Variants in ATP6V0A4 observed in about 807,000 individuals in gnomAD.
ATP6V0A4 encodes V-type proton ATPase 116 kDa subunit a 4.
In ATP6V0A4, 86 loss-of-function variants were observed where a neutral mutation model predicts 107.3. The observed-to-expected ratio is 0.80, with a 90% CI of 0.67 to 0.96. The LOEUF (loss-of-function observed/expected upper bound fraction) is 0.96, where lower values mean the gene tolerates loss of function less well. ATP6V0A4 is among the 40% of genes least tolerant of loss of function. ATP6V0A4 has a pLI of 0.00. For synonymous variants in ATP6V0A4, 353 were observed against 381.4 expected, an observed-to-expected ratio of 0.93 and a Z score of 0.87; for missense variants, 908 against 1,045.6, an observed-to-expected ratio of 0.87 and a Z score of 1.81.
At chr7:138,743,458 A>AC (rs1423807644) in intron 14 of ATP6V0A4, among the ~76,000 whole-genome samples, 1 of 26,476 alleles carries the variant, frequency 3.8e-5, no homozygotes, top group East Asian at 0.025. Context: ...ACTCCATCTC[A>AC]AAAAAAAAAA....
intron 2 of ATP6V0A4, among the ~76,000 whole-genome samples, chr7:138,781,831 GTC>G (rs372041818): frequency 0.028 from 2,782 of 98,032 alleles, 78 homozygotes; most frequent in African/African-American, 0.089. Flanking sequence ...ATTTTTCTCT[GTC>G]TCTCTCTCTC....
At chr7:138,742,110 A>C (rs185815148) in intron 14 of ATP6V0A4, among the ~76,000 whole-genome samples, 30 of 152,272 alleles carry the variant, frequency 2.0e-4, no homozygotes, top group African/African-American at 5.5e-4. Context: ...GGCTGGCGAA[A>C]TTATGCAGAT....
At chr7:138,711,807 T>C (rs1486837122) in intron 20 of ATP6V0A4, among the ~76,000 whole-genome samples, 1 of 152,232 alleles carries the variant, frequency 6.6e-6, no homozygotes, top group Non-Finnish European at 1.5e-5. Flanking sequence ...TGCACACGAA[T>C]ACTCAGATGC....
Position 138,706,491 on chromosome 7 carries a change from A to T in ATP6V0A4, c.*133T>A. 8.9e-7 allele frequency: 1 copy of T among 1,119,512 alleles called. No individual in the cohort carries two copies. Among genetic ancestry groups the T allele is most frequent in the East Asian group, 2.6e-5 (1 of 38,390 alleles). The allele number at this position is 1,119,512 out of a possible 1,614,324, so 69.3% of individuals were successfully genotyped here. Reference sequence around the variant, plus strand: ...CAAATCCACAGGCTGACGTCCAAATAATACACAGTTTCATGCTTCAGGTGA... The same window carrying T: ...CAAATCCACAGGCTGACGTCCAAATTATACACAGTTTCATGCTTCAGGTGA... On this transcript the variant is annotated 3_prime_UTR_variant, in exon 22 of 22. Transcript: ENST00000310018.
In ATP6V0A4 at chr7:138,755,719, G is replaced by T; in HGVS notation, c.786C>A (p.Ser262Arg). ...TTAAATCTTCCAGCCTCACATTGAC[G>T]CTCTCCAACATCTCTCTGCGCTCCA... Reference protein sequence around the residue: ...PAVERREMLESVNVRLEDLIT... With the variant: ...PAVERREMLERVNVRLEDLIT... The change falls in exon 10 of 22, where the codon AGC becomes AGA. Residue 262 changes from serine (S) to arginine (R), a missense_variant. Coordinates refer to ENST00000310018, the MANE Select transcript of ATP6V0A4 (RefSeq NM_020632.3). 1.9e-6 allele frequency: 3 copies of T among 1,613,832 alleles called. No homozygotes were observed. Among genetic ancestry groups the T allele is most frequent in the Non-Finnish European group, 2.5e-6 (3 of 1,180,028 alleles).
intron 15 of ATP6V0A4, among the ~76,000 whole-genome samples, chr7:138,738,405 T>C (rs1805455574): frequency 1.3e-5 from 2 of 152,108 alleles, no homozygotes; most frequent in African/African-American, 2.4e-5. Context: ...GACGAGACCA[T>C]TGGAGCAATG....
At chr7:138,742,052 G>A (rs6977317) in intron 14 of ATP6V0A4, among the ~76,000 whole-genome samples, 82,225 of 152,048 alleles carry the variant, frequency 0.54, 23,173 homozygotes, top group East Asian at 0.92. Flanking sequence ...CAGTTAATTC[G>A]GGCCTTTCAC....
chr7:138,749,230 T>G lies in ATP6V0A4; in HGVS notation c.1117A>C (p.Thr373Pro). ...TCAACAATATTCTGGAAGCCAGCTG[T>G]GAATTTATTGGTCCTGTTAAATGTG... is the stretch of plus-strand genomic sequence containing the variant. The part of the protein sequence containing the change: ...PPTFNRTNKF[T>P]AGFQNIVDAY... Residue 373 changes from threonine to proline, a missense_variant, in exon 12 of 22, where the codon ACA (threonine) becomes CCA (proline). By Grantham distance (38) the Thr-to-Pro change is conservative. Transcript: ENST00000310018. The G allele has an allele frequency of 1.2e-6, 2 of 1,613,880 alleles. No individual in the cohort carries two copies. The highest frequency in any genetic ancestry group is 1.7e-6 in the Non-Finnish European group (2 of 1,179,994).
intron 2 of ATP6V0A4, among the ~76,000 whole-genome samples, chr7:138,780,864 C>T (rs976017267): frequency 6.6e-6 from 1 of 151,812 alleles, no homozygotes; most frequent in Non-Finnish European, 1.5e-5. Flanking sequence ...GAGATCATGC[C>T]TCTGCACTCC....
At chr7:138,778,772 T>C (rs1584947074) in intron 2 of ATP6V0A4, among the ~76,000 whole-genome samples, 1 of 141,894 alleles carries the variant, frequency 7.0e-6, no homozygotes, top group Non-Finnish European at 1.5e-5. Flanking sequence ...GAGTGGGGAG[T>C]CTGAATTCAG....
Position 138,733,236 on chromosome 7 carries a change from C to A in ATP6V0A4, c.1692-143G>T, listed in dbSNP as rs1584908205. 5.1e-6 allele frequency: 7 copies of A among 1,365,190 alleles called. No individual in the cohort carries two copies. In the East Asian group the frequency reaches 1.5e-4, roughly 29 times the overall value. The allele number at this position is 1,365,190 out of a possible 1,614,324, so 84.6% of individuals were successfully genotyped here. On this transcript the variant is annotated intron_variant, in intron 16 of 21. Coordinates refer to ENST00000310018, the MANE Select transcript of ATP6V0A4 (RefSeq NM_020632.3). ...TGGCAAACAACGGCACCCCCCACCC[C>A]CCCAGCAAACAGCAATCCTGTATGG... is the stretch of plus-strand genomic sequence containing the variant.
At chr7:138,778,888 C>T (rs980041603) in intron 2 of ATP6V0A4, among the ~76,000 whole-genome samples, 1 of 152,122 alleles carries the variant, frequency 6.6e-6, no homozygotes. Context: ...GCTCCCCTCC[C>T]CCGATCATTG....
In ATP6V0A4 at chr7:138,745,171, A is replaced by C. The variant is rs1562996966; in HGVS notation, c.1430T>G (p.Phe477Cys). The change falls in exon 14 of 22, where the codon TTT becomes TGT. Residue 477 changes from phenylalanine to cysteine, a missense_variant. Physicochemically the swap from Phe to Cys is radical, Grantham distance 205. Transcript: ENST00000310018. ...NDCFSKSLNI[F>C]GSSWSVQPMF... ...GGGTTGGACACTCCAAGAAGAGCCA[A>C]AGATGTTCAAGGACTTGGAGAAGCA... 2 of 1,614,250 alleles carry C rather than the reference A, an allele frequency of 1.2e-6. No homozygotes were observed. Among genetic ancestry groups the C allele is most frequent in the Non-Finnish European group, 1.7e-6 (2 of 1,180,036 alleles).
At chr7:138,779,398 T>A (rs957770186) in intron 2 of ATP6V0A4, among the ~76,000 whole-genome samples, 7 of 151,754 alleles carry the variant, frequency 4.6e-5, no homozygotes, top group African/African-American at 1.7e-4. Flanking sequence ...AGGATAGACA[T>A]ATAGATGGAA....
At chr7:138,727,526 G>A (rs1372073303) in intron 18 of ATP6V0A4, among the ~76,000 whole-genome samples, 1 of 152,114 alleles carries the variant, frequency 6.6e-6, no homozygotes, top group East Asian at 1.9e-4. Context: ...AGTTCGGACT[G>A]GCATAAGGAG....
chr7:138,788,660 C>T (rs6467805), intron 1 of ATP6V0A4, among the ~76,000 whole-genome samples: 87,287 of 151,958 alleles, frequency 0.57, 25,406 homozygotes, highest in African/African-American at 0.64. Context: ...TCATCTTGAA[C>T]TGTAGCTCCC....
Position 138,747,463 on chromosome 7 carries a change from T to G in ATP6V0A4, c.1282A>C (p.Asn428His). The change falls in exon 13 of 22, where the codon AAT becomes CAT. Residue 428 changes from asparagine (N) to histidine (H), a missense_variant. Coordinates refer to ENST00000310018, the MANE Select transcript of ATP6V0A4 (RefSeq NM_020632.3). ...MLLAALWMIL[N>H]ERRLLSQKTD... The stretch of plus-strand genomic sequence containing the variant: ...TTCTGGGAGAGCAAGCGTCTCTCAT[T>G]CAGAATCATCCAAAGTGCAGCCAGG... The G allele has an allele frequency of 6.2e-7, 1 of 1,614,102 alleles. No individual in the cohort carries two copies. Among genetic ancestry groups the G allele is most frequent in the East Asian group, 2.2e-5 (1 of 44,882 alleles).
At chr7:138,707,227 T>TAA (rs1803460353) in intron 21 of ATP6V0A4, among the ~76,000 whole-genome samples, 3 of 81,794 alleles carry the variant, frequency 3.7e-5, no homozygotes, top group African/African-American at 5.7e-5. Flanking sequence ...ATAGAATATA[T>TAA]TATATAATAT....
chr7:138,735,461 C>T (rs1805266299), intron 15 of ATP6V0A4, among the ~76,000 whole-genome samples: 1 of 152,220 alleles, frequency 6.6e-6, no homozygotes, highest in Admixed American at 6.6e-5. Flanking sequence ...CCAGACACAA[C>T]CTCAGACACA....
Sources: gnomAD v4.1 joint callset for allele counts (sites outside exome capture counted in the v4.1 genomes callset) on GRCh38, gnomAD v4.1.1 for gene constraint, MANE v1.5 for transcripts, NCBI Gene and HGNC (gene_info 2026-07-23, HGNC 2026-07-21) for gene names.